The following TEKT3 variants were observed in gnomAD, a reference collection of about 807,000 sequenced individuals.
The protein encoded by TEKT3 is tektin-3.
Under a neutral mutation model 49.8 loss-of-function variants are expected in TEKT3, and 49 were observed. The observed-to-expected ratio is 0.98, with a 90% CI of 0.78 to 1.25. TEKT3 has a LOEUF of 1.25. Among genes scored for constraint, TEKT3 ranks in the 50% most tolerant of loss-of-function variants. The probability of loss-of-function intolerance (pLI) is 0.00; values close to 1 mark genes in which losing one functional copy is unlikely to be tolerated. For missense variants in TEKT3, 595 were observed against 629.5 expected, an observed-to-expected ratio of 0.95 and a Z score of 0.59; for synonymous variants, 225 against 237.2, an observed-to-expected ratio of 0.95 and a Z score of 0.47.
At chr17:15,332,109 C>T (rs1312720972) in intron 2 of TEKT3, among the ~76,000 whole-genome samples, 1 of 99,374 alleles carries the variant, frequency 1.0e-5, no homozygotes, top group Non-Finnish European at 2.0e-5. Flanking sequence ...AACCTGGTGG[C>T]GGGGGTGGGG....
intron 2 of TEKT3, among the ~76,000 whole-genome samples, chr17:15,337,423 T>C (rs1423669475): frequency 6.6e-6 from 1 of 152,158 alleles, no homozygotes; most frequent in Non-Finnish European, 1.5e-5. Context: ...CAAATCCAAC[T>C]ATGCTGATAA....
chr17:15,317,663 C>A (rs1294394530), intron 5 of TEKT3, among the ~76,000 whole-genome samples: 1 of 152,180 alleles, frequency 6.6e-6, no homozygotes, highest in Non-Finnish European at 1.5e-5. Flanking sequence ...ATATTCGACA[C>A]TACTTCCTTC....
At chr17:15,316,584 C>T (rs1341489871) in intron 5 of TEKT3, among the ~76,000 whole-genome samples, 1 of 152,106 alleles carries the variant, frequency 6.6e-6, no homozygotes, top group African/African-American at 2.4e-5. Context: ...ATCAATGAAG[C>T]AAAATTGCAC....
At chr17:15,307,308 A>T (rs1385286769) in intron 8 of TEKT3, among the ~76,000 whole-genome samples, 1 of 152,192 alleles carries the variant, frequency 6.6e-6, no homozygotes, top group East Asian at 1.9e-4. Context: ...AAAGAGAAGC[A>T]AATGGCTTGG....
chr17:15,312,116 T>G, intron 7 of TEKT3, 143 bp downstream of exon 7: 1 of 694,502 alleles, frequency 1.4e-6, no homozygotes, highest in Non-Finnish European at 2.4e-6. Context: ...GCATGCTTTG[T>G]GCTGTTTTAA....
In TEKT3 at chr17:15,331,460, C is replaced by T. The variant is rs1363473589; in HGVS notation, c.126G>A (p.Leu42=). The T allele has an allele frequency of 6.2e-7, 1 of 1,613,846 alleles. No homozygotes were observed. Among genetic ancestry groups the T allele is most frequent in the Admixed American group, 1.7e-5 (1 of 59,978 alleles). ...TCCAAGGAAGGCTCAGGCTATGGGT[C>T]AAATTGGAGTGGGGAAAGCGGTCCC... The part of the protein sequence containing the change: ...SYRDRFPHSN[L]THSLSLPWRP... Residue 42 remains leucine (L), a synonymous_variant, in exon 3 of 9, where the codon TTG becomes TTA. Transcript: ENST00000395930.
chr17:15,305,638 C>G (rs1449782664), intron 8 of TEKT3, among the ~76,000 whole-genome samples: 1 of 152,108 alleles, frequency 6.6e-6, no homozygotes, highest in Non-Finnish European at 1.5e-5. Flanking sequence ...CTCCCACCCT[C>G]CCTGGCTTCA....
At chr17:15,327,902 AT>A in intron 4 of TEKT3, 89 bp downstream of exon 4, 1 of 1,135,132 alleles carries the variant, frequency 8.8e-7, no homozygotes, top group Non-Finnish European at 1.3e-6. Context: ...CTTATAAGTC[AT>A]TTTATGTAAC....
chr17:15,331,201 G>T lies in TEKT3; in HGVS notation c.385C>A (p.Gln129Lys), dbSNP rs147571204. 301 of 1,614,182 alleles carry T rather than the reference G, an allele frequency of 1.9e-4. 2 individuals are homozygous for T. In the African/African-American group the frequency reaches 3.7e-3, roughly 20 times the overall value. The change falls in exon 3 of 9, where the codon CAA becomes AAA. Residue 129 changes from glutamine to lysine, a missense_variant. Transcript: ENST00000395930. ...KLRVDTSRLI[Q>K]DKYQQTRKTQ... ...TTTCTTGTTTGTTGATATTTGTCTT[G>T]AATCAGGCGAGATGTATCCACTCTT...
intron 2 of TEKT3, among the ~76,000 whole-genome samples, chr17:15,335,208 A>C (rs1274179330): frequency 6.6e-6 from 1 of 152,228 alleles, no homozygotes; most frequent in African/African-American, 2.4e-5. Context: ...GAAAGCTAGA[A>C]ATTGTAGAGC....
chr17:15,335,189 G>A (rs1911931585), intron 2 of TEKT3, among the ~76,000 whole-genome samples: 1 of 152,202 alleles, frequency 6.6e-6, no homozygotes, highest in Admixed American at 6.5e-5. Flanking sequence ...CAGAATTCAG[G>A]GAGGCTGAGA....
intron 2 of TEKT3, among the ~76,000 whole-genome samples, chr17:15,335,902 CT>C (rs78184855): frequency 0.095 from 14,409 of 151,104 alleles, 827 homozygotes; most frequent in East Asian, 0.22. Flanking sequence ...TGAGCTCAGA[CT>C]TTTTTTTTAA....
At chr17:15,339,511 T>C (rs1373006724) in intron 2 of TEKT3, among the ~76,000 whole-genome samples, 4 of 152,340 alleles carry the variant, frequency 2.6e-5, no homozygotes, top group African/African-American at 9.6e-5. Context: ...ATACTAAATA[T>C]AGAATCAATC....
chr17:15,308,628 T>C (rs776940691), intron 8 of TEKT3, 36 bp downstream of exon 8: 2 of 1,588,788 alleles, frequency 1.3e-6, no homozygotes, highest in Admixed American at 3.4e-5. Flanking sequence ...CTGGTGGCCC[T>C]CCGAGCGAGC....
chr17:15,322,795 A>C (rs1294374092), intron 4 of TEKT3, among the ~76,000 whole-genome samples: 1 of 152,212 alleles, frequency 6.6e-6, no homozygotes, highest in Non-Finnish European at 1.5e-5. Context: ...TCTAGCTAAT[A>C]AGCAAATACC....
intron 4 of TEKT3, among the ~76,000 whole-genome samples, chr17:15,321,207 C>T (rs1324320861): frequency 2.0e-5 from 3 of 152,024 alleles, no homozygotes; most frequent in Non-Finnish European, 2.9e-5. Context: ...GATGGGGTTT[C>T]ACCATGTTAT....
At chr17:15,310,137 C>G (rs1910709977) in intron 7 of TEKT3, among the ~76,000 whole-genome samples, 1 of 152,244 alleles carries the variant, frequency 6.6e-6, no homozygotes, top group African/African-American at 2.4e-5. Flanking sequence ...ATCTTGATCT[C>G]TTGCCAATGG....
chr17:15,305,553 G>A (rs547352369), intron 8 of TEKT3, among the ~76,000 whole-genome samples: 6 of 152,246 alleles, frequency 3.9e-5, no homozygotes, highest in South Asian at 2.1e-4. Context: ...CATCTTCGGC[G>A]AGGCTGCCGC....
At position 15,304,262 on chromosome 17, in the gene TEKT3, T is replaced by A; in HGVS notation, c.1257-110A>T. ...AGCTCACATTTTCTTTACTTTAGGA[T>A]ATATTTATCAGCAAATGAGAGGTGC... On this transcript the variant is annotated intron_variant, in intron 8 of 8. Transcript: ENST00000395930. This position sits in a 1 kb window ranked among gnomAD's most constrained non-coding sequence, Gnocchi z 4.7. 1 of 1,060,902 alleles carries A rather than the reference T, an allele frequency of 9.4e-7. No individual in the cohort carries two copies. The highest frequency in any genetic ancestry group is 1.4e-6 in the Non-Finnish European group (1 of 726,802). The allele number at this position is 1,060,902 out of a possible 1,614,324, so 65.7% of individuals were successfully genotyped here.
Sources: allele counts gnomAD v4.1 joint callset (sites outside exome capture counted in the v4.1 genomes callset), GRCh38; gene constraint gnomAD v4.1.1; non-coding constraint Gnocchi (gnomAD v3.1); transcripts MANE v1.5; gene names NCBI Gene and HGNC (gene_info 2026-07-23, HGNC 2026-07-21).